DNAJC21: variants seen among roughly 807,000 people sequenced by gnomAD.
The protein encoded by DNAJC21 is dnaJ homolog subfamily C member 21.
DNAJC21 carries 63 observed loss-of-function variants against 72.4 expected under a neutral mutation model. That is an observed-to-expected ratio of 0.87 (90% CI 0.71 to 1.07). The LOEUF (loss-of-function observed/expected upper bound fraction) is 1.07, where lower values mean the gene tolerates loss of function less well. DNAJC21 is among the 50% of genes least tolerant of loss of function. The pLI, the probability that DNAJC21 is intolerant of heterozygous loss-of-function variation, is 0.00. For synonymous variants in DNAJC21, 203 were observed against 216.7 expected (o/e 0.94, Z 0.56); for missense variants, 634 against 644.8 (o/e 0.98, Z 0.18).
chr5:34,945,141 A>G, intron 8 of DNAJC21, 116 bp downstream of exon 8: 3 of 1,260,542 alleles, frequency 2.4e-6, no homozygotes, highest in African/African-American at 1.5e-5. Flanking sequence ...GCAGTGGCGC[A>G]GTCTCAGCTC....
At chr5:34,931,166 G>A (rs1422983390) in intron 1 of DNAJC21, among the ~76,000 whole-genome samples, 1 of 152,126 alleles carries the variant, frequency 6.6e-6, no homozygotes, top group Non-Finnish European at 1.5e-5. Flanking sequence ...AAAGTCAAAA[G>A]GGAATGGCTA....
At position 34,958,756 on chromosome 5, in the gene DNAJC21, C is replaced by G. The variant is rs186655502; in HGVS notation, c.*4042C>G. ...TCTCAAAACTTTTGGTCTCAAGATCCCTTTACACTCTTCAAAAGTGAGAAC... is the reference window on the plus strand; with the variant it reads ...TCTCAAAACTTTTGGTCTCAAGATCGCTTTACACTCTTCAAAAGTGAGAAC... On this transcript the variant is annotated 3_prime_UTR_variant, in exon 12 of 12. Coordinates refer to ENST00000648817, the MANE Select transcript of DNAJC21 (RefSeq NM_001012339.3). 1 of 152,148 alleles carries G rather than the reference C, an allele frequency of 6.6e-6. No homozygotes were observed. The highest frequency in any genetic ancestry group is 6.5e-5 in the Admixed American group (1 of 15,280). 9.4% of individuals were successfully genotyped at this position (152,148 alleles called of 1,614,324 possible).
At chr5:34,930,897 T>C (rs529582418) in intron 1 of DNAJC21, among the ~76,000 whole-genome samples, 14 of 152,236 alleles carry the variant, frequency 9.2e-5, no homozygotes, top group African/African-American at 3.4e-4. Context: ...TAATTGGTGG[T>C]TAGATTAATG....
In DNAJC21 at chr5:34,954,933, G is replaced by A. The variant is rs1488852842; in HGVS notation, c.*219G>A. On this transcript the variant is annotated 3_prime_UTR_variant, in exon 12 of 12. Coordinates refer to ENST00000648817, the MANE Select transcript of DNAJC21 (RefSeq NM_001012339.3). ...TTTTGCCATCTGAATTGACTTGAAT[G>A]TCTTAAAACAGGTAAATACTGTAAA... 2 of 436,646 alleles carry A rather than the reference G, an allele frequency of 4.6e-6. No homozygotes were observed. Among genetic ancestry groups the A allele is most frequent in the African/African-American group, 4.1e-5 (2 of 49,044 alleles). 27.0% of individuals were successfully genotyped at this position (436,646 alleles called of 1,614,324 possible).
intron 2 of DNAJC21, among the ~76,000 whole-genome samples, chr5:34,934,801 G>A (rs80198858): frequency 6.8e-4 from 104 of 152,264 alleles, no homozygotes; most frequent in African/African-American, 2.5e-3. Context: ...CTGTTAAACA[G>A]TGTACAACCA....
chr5:34,935,499 T>C (rs548551496), intron 2 of DNAJC21, among the ~76,000 whole-genome samples: 2 of 152,344 alleles, frequency 1.3e-5, no homozygotes, highest in African/African-American at 2.4e-5. Flanking sequence ...CATTGTATAA[T>C]GTATCAGAAG....
chr5:34,953,656 A>G, intron 10 of DNAJC21: 1 of 334,370 alleles, frequency 3.0e-6, no homozygotes, highest in South Asian at 4.7e-5. Context: ...ACATTCAGAG[A>G]TATTTTAAGG....
intron 10 of DNAJC21, chr5:34,951,741 G>A (rs1765373890): frequency 1.1e-6 from 1 of 911,488 alleles, no homozygotes; most frequent in Non-Finnish European, 1.3e-6. Flanking sequence ...GCACAGGGTG[G>A]TCTTGAACTC....
intron 4 of DNAJC21, 102 bp from the exon 5 acceptor site, chr5:34,937,224 T>C (rs1764809015): frequency 1.6e-6 from 2 of 1,244,226 alleles, no homozygotes; most frequent in Non-Finnish European, 2.2e-6. Context: ...GTTATATACA[T>C]GAAAAAAGAA....
chr5:34,937,667 G>T, intron 5 of DNAJC21, 37 bp downstream of exon 5: 3 of 1,577,910 alleles, frequency 1.9e-6, no homozygotes, highest in Non-Finnish European at 2.6e-6. Context: ...CTCAGTATCG[G>T]TGGGGGTCAG....
intron 1 of DNAJC21, among the ~76,000 whole-genome samples, chr5:34,931,786 G>T (rs1223874008): frequency 6.6e-6 from 1 of 152,152 alleles, no homozygotes; most frequent in Admixed American, 6.5e-5. Context: ...CAGGCTTGGG[G>T]TCAGCGGGAG....
intron 7 of DNAJC21, 64 bp downstream of exon 7, chr5:34,941,247 GA>G: frequency 6.9e-7 from 1 of 1,439,526 alleles, no homozygotes; most frequent in Non-Finnish European, 9.7e-7. Context: ...ACCAAGGCAG[GA>G]GTGCAGTGGC....
chr5:34,937,727 C>G lies in DNAJC21; in HGVS notation c.743+97C>G. 3 of 1,412,598 alleles carry G rather than the reference C, an allele frequency of 2.1e-6. No individual in the cohort carries two copies. In the South Asian group the frequency reaches 4.3e-5, roughly 20 times the overall value. 87.5% of individuals were successfully genotyped at this position (1,412,598 alleles called of 1,614,324 possible). A position where few individuals can be genotyped will look rare whatever the true frequency, so the allele number is the denominator to read the frequency against. The stretch of plus-strand genomic sequence containing the variant: ...TGTTCATGTTGGGTTCAGTCATCAG[C>G]CTGGCTTTATCCTGCTTTTTCTTCT... On this transcript the variant is annotated intron_variant, in intron 5 of 11. Coordinates refer to ENST00000648817, the MANE Select transcript of DNAJC21 (RefSeq NM_001012339.3).
intron 9 of DNAJC21, among the ~76,000 whole-genome samples, chr5:34,947,933 TAA>T (rs571905382): frequency 6.6e-6 from 1 of 151,460 alleles, no homozygotes; most frequent in East Asian, 1.9e-4. Flanking sequence ...AATAGTTCTG[TAA>T]AAAAAAATCC....
At chr5:34,942,295 A>T (rs2112060986) in intron 7 of DNAJC21, among the ~76,000 whole-genome samples, 1 of 152,278 alleles carries the variant, frequency 6.6e-6, no homozygotes, top group Non-Finnish European at 1.5e-5. Flanking sequence ...ACAATGATGA[A>T]GAAAGAAGTA....
intron 7 of DNAJC21, among the ~76,000 whole-genome samples, chr5:34,944,485 C>T (rs896680280): frequency 6.6e-6 from 1 of 152,070 alleles, no homozygotes; most frequent in Admixed American, 6.6e-5. Flanking sequence ...AAAACAATGG[C>T]GGAAGCTTTA....
rs112032617 is a variant in DNAJC21 at position 34,937,738 on chromosome 5, C to T, written c.743+108C>T. 1.6e-4 allele frequency: 215 copies of T among 1,305,376 alleles called. No homozygotes were observed. The African/African-American group carries it at 2.9e-3, about 18-fold the overall frequency. 80.9% of individuals were successfully genotyped at this position (1,305,376 alleles called of 1,614,324 possible). Reference sequence around the variant, plus strand: ...GGTTCAGTCATCAGCCTGGCTTTATCCTGCTTTTTCTTCTTTTTTAAATTG... The same window carrying T: ...GGTTCAGTCATCAGCCTGGCTTTATTCTGCTTTTTCTTCTTTTTTAAATTG... On this transcript the variant is annotated intron_variant, in intron 5 of 11. Coordinates refer to ENST00000648817, the MANE Select transcript of DNAJC21 (RefSeq NM_001012339.3).
At chr5:34,949,418 A>T in intron 9 of DNAJC21, 2 of 1,421,042 alleles carry the variant, frequency 1.4e-6, no homozygotes, top group Non-Finnish European at 1.9e-6. Context: ...TACACCCCCT[A>T]TCCTGTATAT....
rs202068313 is a variant in DNAJC21, at chr5:34,949,606, T to C, written c.1186-564T>C. ...CTTTCAGATGGCTTGGGGAAAAAAG[T>C]GTGTGTTGGGAGAGAGAAGAGATGG... On this transcript the variant is annotated intron_variant, in intron 9 of 11. Transcript: ENST00000648817. The C allele has an allele frequency of 3.1e-5, 49 of 1,593,840 alleles. No individual in the cohort carries two copies. In the East Asian group the frequency reaches 9.9e-4, roughly 32 times the overall value.
Sources: allele counts gnomAD v4.1 joint callset (sites outside exome capture counted in the v4.1 genomes callset), GRCh38; gene constraint gnomAD v4.1.1; transcripts MANE v1.5; gene names NCBI Gene and HGNC (gene_info 2026-07-23, HGNC 2026-07-21).